ERCC6L2: variants seen among roughly 807,000 people sequenced by gnomAD.
The protein encoded by ERCC6L2 is ERCC excision repair 6 like 2.
A neutral mutation model predicts 132.0 loss-of-function variants in ERCC6L2; 77 were observed. The ratio of observed to expected loss-of-function variants is 0.58; its 90% CI spans 0.49 to 0.71. The LOEUF is 0.71. Ranked by LOEUF, ERCC6L2 falls within the 30% of genes least tolerant of loss-of-function variation. The pLI is 0.00. For synonymous variants in ERCC6L2, 583 were observed against 632.4 expected (o/e 0.92, Z 1.17); for missense variants, 1,542 against 1,837.6 (o/e 0.84, Z 2.94).
At chr9:96,020,455 A>G, downstream of ERCC6L2, 1 of 313,358 alleles carries the variant, frequency 3.2e-6, no homozygotes, top group South Asian at 2.7e-5. Flanking sequence ...ATTCACTGAC[A>G]TGCCAGCAAA....
intron 19 of ERCC6L2, among the ~76,000 whole-genome samples, chr9:96,027,071 C>T (rs1834385858): frequency 6.8e-6 from 1 of 147,142 alleles, no homozygotes; most frequent in Admixed American, 6.8e-5. Context: ...ACCACACACA[C>T]CACATACCCC....
At position 96,016,906 on chromosome 9, in the gene ERCC6L2, T is replaced by C. The variant is rs1834194429; in HGVS notation, c.*3703T>C. On this transcript the variant is annotated 3_prime_UTR_variant, in exon 19 of 19. Transcript: ENST00000653738. ...ATCACTGCCTGCCTTAAAGGTTTTTTTGTGTGTTTGTTTGTTTGTTTGTTT... is the reference window on the plus strand; with the variant it reads ...ATCACTGCCTGCCTTAAAGGTTTTTCTGTGTGTTTGTTTGTTTGTTTGTTT... 7.0e-6 allele frequency among the ~76,000 whole-genome samples: 1 copy of C among 143,106 alleles called. No homozygotes were observed. The highest frequency in any genetic ancestry group is 7.1e-5 in the Admixed American group (1 of 14,080). The allele number at this position is 143,106 out of a possible 152,430, so 93.9% of individuals were successfully genotyped here.
chr9:95,909,774 C>G (rs1471976251), intron 4 of ERCC6L2, among the ~76,000 whole-genome samples: 1 of 152,074 alleles, frequency 6.6e-6, no homozygotes, highest in Admixed American at 6.6e-5. Context: ...TGTATGTAAG[C>G]CTTTTTTGGA....
intron 19 of ERCC6L2, chr9:96,027,761 C>T (rs1296238167): frequency 6.6e-6 from 1 of 152,598 alleles, no homozygotes; most frequent in African/African-American, 2.4e-5. Flanking sequence ...TTCTTCGCAG[C>T]TTCATCTCCA....
intron 11 of ERCC6L2, among the ~76,000 whole-genome samples, chr9:95,936,638 A>G (rs1425022777): frequency 1.3e-5 from 2 of 152,190 alleles, no homozygotes; most frequent in East Asian, 3.8e-4. Context: ...CTCTTTACCC[A>G]GTTCCCCCAA....
In ERCC6L2 at chr9:96,012,945, A is replaced by C. The variant is rs767679265; in HGVS notation, c.4395A>C (p.Ser1465=). ...SPTQLPKKVL[S]GPMEKAKQRP... ...CACAACTGCCAAAGAAAGTTCTTTC[A>C]GGGCCCATGGAAAAAGCAAAACAGA... is the stretch of plus-strand genomic sequence containing the variant. The change falls in exon 19 of 19, where the codon TCA becomes TCC. Residue 1465 remains serine (S), a synonymous_variant. Transcript: ENST00000653738. 1.5e-6 allele frequency: 2 copies of C among 1,367,210 alleles called. No homozygotes were observed. Among genetic ancestry groups the C allele is most frequent in the Non-Finnish European group, 9.8e-7 (1 of 1,021,634 alleles). 84.7% of individuals were successfully genotyped at this position (1,367,210 alleles called of 1,614,324 possible).
At chr9:95,925,019 C>A (rs570732283) in intron 9 of ERCC6L2, among the ~76,000 whole-genome samples, 1 of 152,090 alleles carries the variant, frequency 6.6e-6, no homozygotes. Context: ...AGAATCATTG[C>A]CTATGGGTTT....
At position 96,017,092 on chromosome 9, in the gene ERCC6L2, CCAT is replaced by C. The variant is rs1189364198; in HGVS notation, c.*3895_*3897del. On this transcript the variant is annotated 3_prime_UTR_variant, in exon 19 of 19. Transcript: ENST00000653738. ...CTAGGCTCCTTGCCTGCTGCTCATTCCATCATCACGGATACAGACTTGTTTCTG... is the reference window on the plus strand; with the variant it reads ...CTAGGCTCCTTGCCTGCTGCTCATTCCATCACGGATACAGACTTGTTTCTG... Among the ~76,000 whole-genome samples, 2 of 152,162 alleles carry C rather than the reference CCAT, an allele frequency of 1.3e-5. No homozygotes were observed. Among genetic ancestry groups the C allele is most frequent in the African/African-American group, 4.8e-5 (2 of 41,422 alleles).
Position 96,018,334 on chromosome 9 carries a change from A to C in ERCC6L2, c.*5131A>C, listed in dbSNP as rs1207758347. Among the ~76,000 whole-genome samples the C allele has an allele frequency of 6.6e-6, 1 of 152,180 alleles. No individual in the cohort carries two copies. Among genetic ancestry groups the C allele is most frequent in the East Asian group, 1.9e-4 (1 of 5,198 alleles). On this transcript the variant is annotated 3_prime_UTR_variant, in exon 19 of 19. Transcript: ENST00000653738. ...TATACCAAATTTTGATGTATGTGAG[A>C]TTGCTGACTATATTTTACTTATCAA...
intron 1 of ERCC6L2, chr9:95,876,690 CA>C (rs1255739371): frequency 6.6e-6 from 1 of 152,188 alleles, no homozygotes; most frequent in Non-Finnish European, 1.5e-5. Context: ...TGCTGTATAA[CA>C]AAAGCTACCA....
chr9:95,926,114 CA>C, intron 9 of ERCC6L2, among the ~76,000 whole-genome samples: 1 of 152,130 alleles, frequency 6.6e-6, no homozygotes, highest in Non-Finnish European at 1.5e-5. Flanking sequence ...TGTGGAGTAA[CA>C]AGAACCCCCA....
chr9:95,978,359 AT>A (rs1263944660), intron 17 of ERCC6L2, 144 bp downstream of exon 17: 1 of 409,790 alleles, frequency 2.4e-6, no homozygotes, highest in African/African-American at 2.1e-5. Flanking sequence ...TCAAAACACC[AT>A]TTGGGAACTG....
intron 1 of ERCC6L2, among the ~76,000 whole-genome samples, chr9:95,878,430 G>C (rs1827405451): frequency 6.6e-6 from 1 of 152,166 alleles, no homozygotes; most frequent in South Asian, 2.1e-4. Flanking sequence ...TGAGGTTTAA[G>C]GGCTGACTAA....
chr9:95,879,741 T>A (rs1456050487), intron 1 of ERCC6L2, among the ~76,000 whole-genome samples: 2 of 152,212 alleles, frequency 1.3e-5, no homozygotes, highest in African/African-American at 4.8e-5. Flanking sequence ...AGGAATTTAA[T>A]GAGCTATTCT....
chr9:95,986,781 G>A (rs925136814), intron 17 of ERCC6L2, among the ~76,000 whole-genome samples: 3 of 152,100 alleles, frequency 2.0e-5, no homozygotes, highest in East Asian at 3.9e-4. Context: ...ACAGGCACAA[G>A]CCACCATGCC....
At chr9:96,022,714 T>C (rs1210876873), downstream of ERCC6L2, among the ~76,000 whole-genome samples, 1 of 152,178 alleles carries the variant, frequency 6.6e-6, no homozygotes, top group Non-Finnish European at 1.5e-5. Context: ...CAGTGTGATC[T>C]GGAATGCCTG....
intron 19 of ERCC6L2, among the ~76,000 whole-genome samples, chr9:96,032,950 G>T (rs1269756974): frequency 1.3e-5 from 2 of 152,150 alleles, no homozygotes; most frequent in Non-Finnish European, 2.9e-5. Context: ...GCCCAGACTC[G>T]TTTAATCTCA....
At chr9:95,917,836 G>C (rs1342488400) in intron 6 of ERCC6L2, among the ~76,000 whole-genome samples, 3 of 152,086 alleles carry the variant, frequency 2.0e-5, no homozygotes, top group Non-Finnish European at 4.4e-5. Context: ...TGATAATAGT[G>C]CCTGCCTCAC....
chr9:95,891,546 G>A (rs1828165004), intron 2 of ERCC6L2, among the ~76,000 whole-genome samples: 2 of 149,166 alleles, frequency 1.3e-5, no homozygotes, highest in Admixed American at 6.7e-5. Flanking sequence ...TCTCTTGTGT[G>A]TATTCCTAGA....
Sources: gnomAD v4.1 joint callset for allele counts (sites outside exome capture counted in the v4.1 genomes callset) on GRCh38, gnomAD v4.1.1 for gene constraint, MANE v1.5 for transcripts, NCBI Gene and HGNC (gene_info 2026-07-23, HGNC 2026-07-21) for gene names.